The following PPEF1 variants were observed in gnomAD, a reference collection of about 807,000 sequenced individuals.
PPEF1 encodes protein phosphatase with EF-hand domain 1.
Under a neutral mutation model 53.3 loss-of-function variants are expected in PPEF1, and 12 were observed. The ratio of observed to expected loss-of-function variants is 0.23; its 90% CI spans 0.14 to 0.36. The LOEUF (loss-of-function observed/expected upper bound fraction) is 0.36, where lower values mean the gene tolerates loss of function less well. Ranked by LOEUF, PPEF1 falls within the 10% of genes least tolerant of loss-of-function variation. The pLI, the probability that PPEF1 is intolerant of heterozygous loss-of-function variation, is 1.00. For missense variants in PPEF1, 334 were observed against 490.4 expected (o/e 0.68, Z 3.01); for synonymous variants, 165 against 176.7 (o/e 0.93, Z 0.52).
chrX:18,714,000 CA>C (rs1204885931), intron 1 of PPEF1, among the ~76,000 whole-genome samples: 2 of 111,232 alleles, frequency 1.8e-5, no homozygotes, highest in Non-Finnish European at 3.8e-5. Flanking sequence ...TTTCTTTGTG[CA>C]AAGCCTTTTC....
Position 18,750,045 on chromosome X carries a change from A to G in PPEF1, c.396+93A>G, listed in dbSNP as rs187926516. 6.1e-4 allele frequency: 529 copies of G among 861,474 alleles called. 2 individuals carry two copies. The African/African-American group carries it at 9.6e-3, about 16-fold the overall frequency. 71.0% of individuals were successfully genotyped at this position (861,474 alleles called of 1,213,427 possible). A position where few individuals can be genotyped will look rare whatever the true frequency, so the allele number is the denominator to read the frequency against. On this transcript the variant is annotated intron_variant, in intron 4 of 15. Transcript: ENST00000470157. The stretch of plus-strand genomic sequence containing the variant: ...GATGAACATACCACAGCAGAGATGC[A>G]TTTCTTTAGAAAACAGTTCACATTA...
intron 1 of PPEF1, among the ~76,000 whole-genome samples, chrX:18,683,481 C>T (rs963296925): frequency 1.8e-5 from 2 of 111,839 alleles, no homozygotes; most frequent in African/African-American, 6.5e-5. Context: ...CGTATTAACT[C>T]ATTGAATCCT....
At chrX:18,692,562 C>T (rs1002442663) in intron 4 of PPEF1, among the ~76,000 whole-genome samples, 2 of 111,856 alleles carry the variant, frequency 1.8e-5, no homozygotes, top group Non-Finnish European at 3.8e-5. Flanking sequence ...ACATAAAACC[C>T]TTTTACATTT....
At chrX:18,796,125 T>C (rs2046427452) in intron 10 of PPEF1, among the ~76,000 whole-genome samples, 1 of 112,015 alleles carries the variant, frequency 8.9e-6, no homozygotes, top group African/African-American at 3.2e-5. Context: ...CCAGCTAATT[T>C]TTGTGTTTTT....
intron 3 of PPEF1, among the ~76,000 whole-genome samples, chrX:18,747,541 A>G (rs938361450): frequency 1.8e-5 from 2 of 112,312 alleles, no homozygotes; most frequent in African/African-American, 6.5e-5. Flanking sequence ...CAGTGGCACA[A>G]TCACACCTCA....
intron 1 of PPEF1, among the ~76,000 whole-genome samples, chrX:18,728,197 C>CTA (rs1419475072): frequency 2.7e-5 from 3 of 110,408 alleles, no homozygotes; most frequent in African/African-American, 1.0e-4. Flanking sequence ...CGCTCTCTCT[C>CTA]TCTCTCTATA....
chrX:18,791,174 G>A (rs1436297263), intron 10 of PPEF1, among the ~76,000 whole-genome samples: 1 of 111,666 alleles, frequency 9.0e-6, no homozygotes, highest in Non-Finnish European at 1.9e-5. Context: ...GGAAGTGTGA[G>A]TTCTCCAACT....
intron 2 of PPEF1, among the ~76,000 whole-genome samples, chrX:18,733,493 G>T (rs376360065): frequency 8.9e-6 from 1 of 111,941 alleles, no homozygotes; most frequent in Admixed American, 9.5e-5. Flanking sequence ...TGGGGGACTG[G>T]GCTGTTACAC....
chrX:18,814,862 A>G (rs962319807), intron 12 of PPEF1, among the ~76,000 whole-genome samples: 1 of 111,465 alleles, frequency 9.0e-6, no homozygotes, highest in East Asian at 2.8e-4. Context: ...CTCATTTGTC[A>G]ATGTTTGTTT....
intron 6 of PPEF1, among the ~76,000 whole-genome samples, chrX:18,766,664 A>G (rs972448274): frequency 3.3e-4 from 37 of 112,456 alleles, no homozygotes; most frequent in Non-Finnish European, 1.3e-4. Context: ...CAAGGTTCAC[A>G]TGAGTTTGCC....
intron 15 of PPEF1, among the ~76,000 whole-genome samples, chrX:18,826,469 C>A (rs1382815285): frequency 1.2e-5 from 1 of 85,141 alleles, no homozygotes; most frequent in Non-Finnish European, 2.1e-5. Context: ...GCTCTTGTTG[C>A]CCAGGCTGGA....
At chrX:18,804,599 G>T (rs773014737) in intron 11 of PPEF1, among the ~76,000 whole-genome samples, 2 of 111,923 alleles carry the variant, frequency 1.8e-5, no homozygotes, top group African/African-American at 3.2e-5. Flanking sequence ...GAGCCACCGC[G>T]CCTGGCCCCA....
At chrX:18,735,050 T>G (rs2044940373) in intron 3 of PPEF1, among the ~76,000 whole-genome samples, 1 of 112,089 alleles carries the variant, frequency 8.9e-6, no homozygotes, top group Non-Finnish European at 1.9e-5. Context: ...ATGGGTAGAT[T>G]GTAAAAATTT....
At chrX:18,710,292 T>C (rs1156630339) in intron 1 of PPEF1, among the ~76,000 whole-genome samples, 1 of 112,209 alleles carries the variant, frequency 8.9e-6, no homozygotes, top group African/African-American at 3.2e-5. Context: ...TTCTCTCATT[T>C]GTTGAATTCT....
At chrX:18,722,361 TGGAGGCCA>T (rs1357839885) in intron 1 of PPEF1, among the ~76,000 whole-genome samples, 1 of 112,200 alleles carries the variant, frequency 8.9e-6, no homozygotes, top group African/African-American at 3.2e-5. Context: ...TCTTCTTGCC[TGGAGGCCA>T]GGCCCCTTAA....
chrX:18,745,727 A>G (rs2045317129), intron 3 of PPEF1, among the ~76,000 whole-genome samples: 1 of 111,955 alleles, frequency 8.9e-6, no homozygotes, highest in Non-Finnish European at 1.9e-5. Flanking sequence ...TTAAATTTAT[A>G]AAGCGATGTT....
chrX:18,799,325 G>C (rs755373175), intron 10 of PPEF1, among the ~76,000 whole-genome samples: 140 of 110,829 alleles, frequency 1.3e-3, no homozygotes, highest in African/African-American at 4.4e-3. Flanking sequence ...AGAATTGCTC[G>C]AACCCAGGAG....
At chrX:18,816,187 T>C (rs2046909296) in intron 12 of PPEF1, among the ~76,000 whole-genome samples, 1 of 111,669 alleles carries the variant, frequency 9.0e-6, no homozygotes, top group Non-Finnish European at 1.9e-5. Context: ...TTTTGGTATG[T>C]TGTATTTTCA....
At chrX:18,819,872 T>G (rs888868432) in intron 13 of PPEF1, among the ~76,000 whole-genome samples, 16 of 111,461 alleles carry the variant, frequency 1.4e-4, no homozygotes, top group African/African-American at 4.6e-4. Context: ...GATTCTCAAG[T>G]AGAATAAATG....
Sources: gnomAD v4.1 joint callset for allele counts (sites outside exome capture counted in the v4.1 genomes callset) on GRCh38, gnomAD v4.1.1 for gene constraint, MANE v1.5 for transcripts, NCBI Gene and HGNC (gene_info 2026-07-23, HGNC 2026-07-21) for gene names.